The following STX7 variants were observed in gnomAD, a reference collection of about 807,000 sequenced individuals.
STX7 encodes the protein syntaxin-7.
In STX7, 34 loss-of-function variants were observed where a neutral mutation model predicts 39.6. That is an observed-to-expected ratio of 0.86 (90% CI 0.65 to 1.14). The LOEUF is 1.14. STX7 is among the 50% of genes most tolerant of loss of function. The pLI is 0.00. For missense variants in STX7, 284 were observed against 310.4 expected (o/e 0.92, Z 0.64); for synonymous variants, 119 against 99.1 (o/e 1.20, Z -1.19).
intron 9 of STX7, among the ~76,000 whole-genome samples, chr6:132,461,359 T>G (rs1434791722): frequency 1.3e-5 from 2 of 152,152 alleles, no homozygotes; most frequent in Non-Finnish European, 1.5e-5. Flanking sequence ...CAGGCTGGAG[T>G]GCAGTGGCAC....
intron 1 of STX7, among the ~76,000 whole-genome samples, chr6:132,508,416 G>T (rs1449986799): frequency 6.6e-6 from 1 of 152,176 alleles, no homozygotes; most frequent in Non-Finnish European, 1.5e-5. Context: ...TACTAAATGT[G>T]AGAAAGTTCC....
At position 132,448,468 on chromosome 6, in the gene STX7, T is replaced by C. The variant is rs1774065246; in HGVS notation, c.*12290A>G. On this transcript the variant is annotated 3_prime_UTR_variant, in exon 10 of 10. Transcript: ENST00000367941. ...AAAGATAATTTCACTGGGCACTCAT[T>C]CTATTGAGTTATTCTCTCAGTACCT... The C allele has an allele frequency of 6.6e-6, 1 of 152,186 alleles. No homozygotes were observed. The highest frequency in any genetic ancestry group is 1.5e-5 in the Non-Finnish European group (1 of 68,040). The allele number at this position is 152,186 out of a possible 1,614,324, so 9.4% of individuals were successfully genotyped here. A position where few individuals can be genotyped will look rare whatever the true frequency, so the allele number is the denominator to read the frequency against.
intron 9 of STX7, among the ~76,000 whole-genome samples, chr6:132,463,238 A>G (rs974061795): frequency 2.0e-5 from 3 of 152,126 alleles, no homozygotes; most frequent in African/African-American, 7.2e-5. Flanking sequence ...CAAGAAAATG[A>G]TAATTATGAA....
rs1450764355 is a variant in STX7 at position 132,447,201 on chromosome 6, G to C, written c.*13557C>G. 6.6e-6 allele frequency: 1 copy of C among 152,164 alleles called. No individual in the cohort carries two copies. The highest frequency in any genetic ancestry group is 1.5e-5 in the Non-Finnish European group (1 of 68,022). The allele number at this position is 152,164 out of a possible 1,614,324, so 9.4% of individuals were successfully genotyped here. A position where few individuals can be genotyped will look rare whatever the true frequency, so the allele number is the denominator to read the frequency against. On this transcript the variant is annotated 3_prime_UTR_variant, in exon 10 of 10. Coordinates refer to ENST00000367941, the MANE Select transcript of STX7 (RefSeq NM_003569.3). Reference sequence around the variant, plus strand: ...CTAAGATGGAACTTACTGTGTAGTGGAAAGAGTTAGACTCACTAGACATTG... The same window carrying C: ...CTAAGATGGAACTTACTGTGTAGTGCAAAGAGTTAGACTCACTAGACATTG...
rs191765991 is a variant in STX7, at chr6:132,502,695, C to T, written c.85+751G>A. Among the ~76,000 whole-genome samples the T allele has an allele frequency of 5.5e-3, 838 of 152,024 alleles. 8 individuals are homozygous for T. The highest frequency in any genetic ancestry group is 0.019 in the African/African-American group (799 of 41,450). ...CGGGAGGATCACGAAGTCAGGAGATCGAGACCATCCTGGCTAACACGGTGA... is the reference window on the plus strand; with the variant it reads ...CGGGAGGATCACGAAGTCAGGAGATTGAGACCATCCTGGCTAACACGGTGA... On this transcript the variant is annotated intron_variant, in intron 2 of 9. Transcript: ENST00000367941.
At chr6:132,492,198 A>G (rs535951696) in intron 2 of STX7, among the ~76,000 whole-genome samples, 1 of 151,900 alleles carries the variant, frequency 6.6e-6, no homozygotes, top group Non-Finnish European at 1.5e-5. Context: ...TTCCCCATCT[A>G]AAATACTCTT....
chr6:132,483,416 C>A (rs1333197125), intron 2 of STX7, among the ~76,000 whole-genome samples: 3 of 152,256 alleles, frequency 2.0e-5, no homozygotes, highest in Non-Finnish European at 4.4e-5. Context: ...CTACTGCAGT[C>A]ACTGCATTAA....
intron 2 of STX7, among the ~76,000 whole-genome samples, chr6:132,485,432 G>C (rs1206664487): frequency 6.6e-6 from 1 of 152,128 alleles, no homozygotes; most frequent in Admixed American, 6.5e-5. Context: ...GGACATTTGT[G>C]TTGTTTCCCG....
chr6:132,511,559 G>C (rs1382173759), intron 1 of STX7, among the ~76,000 whole-genome samples: 2 of 152,224 alleles, frequency 1.3e-5, no homozygotes, highest in African/African-American at 2.4e-5. Flanking sequence ...GGAGAGAGAT[G>C]ACCTTGTCAT....
At chr6:132,491,769 C>G (rs1207834108) in intron 2 of STX7, among the ~76,000 whole-genome samples, 2 of 152,160 alleles carry the variant, frequency 1.3e-5, no homozygotes, top group East Asian at 3.9e-4. Flanking sequence ...TGGTTTCAGG[C>G]AATCTACTTA....
At chr6:132,510,152 T>C (rs1775811074) in intron 1 of STX7, among the ~76,000 whole-genome samples, 1 of 152,252 alleles carries the variant, frequency 6.6e-6, no homozygotes, top group Non-Finnish European at 1.5e-5. Flanking sequence ...GAATGAAGTC[T>C]AGTGTTCTAT....
At chr6:132,479,200 C>T (rs964343969) in intron 2 of STX7, among the ~76,000 whole-genome samples, 1 of 152,156 alleles carries the variant, frequency 6.6e-6, no homozygotes, top group Non-Finnish European at 1.5e-5. Context: ...TATGCTGCTT[C>T]CACCCTTTAC....
rs1032343164 is a variant in STX7 at position 132,446,276 on chromosome 6, G to A, written c.*14482C>T. The A allele has an allele frequency of 6.6e-6, 1 of 152,062 alleles. No individual in the cohort carries two copies. Among genetic ancestry groups the A allele is most frequent in the African/African-American group, 2.4e-5 (1 of 41,398 alleles). 9.4% of individuals were successfully genotyped at this position (152,062 alleles called of 1,614,324 possible). A position where few individuals can be genotyped will look rare whatever the true frequency, so the allele number is the denominator to read the frequency against. On this transcript the variant is annotated 3_prime_UTR_variant, in exon 10 of 10. Transcript: ENST00000367941. ...TTGGTCTGATCATTCATCTTCTCGA[G>A]GCCAAGTACTTGGTCTGAACACAGA...
intron 2 of STX7, among the ~76,000 whole-genome samples, chr6:132,484,985 T>C (rs1208677865): frequency 6.6e-6 from 1 of 152,112 alleles, no homozygotes; most frequent in Non-Finnish European, 1.5e-5. Flanking sequence ...AAATGAATAA[T>C]AGGAATATTC....
intron 2 of STX7, among the ~76,000 whole-genome samples, chr6:132,494,927 A>G (rs942783241): frequency 6.6e-6 from 1 of 152,198 alleles, no homozygotes; most frequent in East Asian, 1.9e-4. Context: ...CATCCAAAGA[A>G]ATAGCAGCAG....
At chr6:132,487,031 A>G (rs1775153923) in intron 2 of STX7, among the ~76,000 whole-genome samples, 1 of 152,220 alleles carries the variant, frequency 6.6e-6, no homozygotes, top group East Asian at 1.9e-4. Context: ...CTGACCTGCT[A>G]AAACGAATTC....
Position 132,459,879 on chromosome 6 carries a change from T to C in STX7, c.*879A>G, listed in dbSNP as rs1164469811. On this transcript the variant is annotated 3_prime_UTR_variant, in exon 10 of 10. Coordinates refer to ENST00000367941, the MANE Select transcript of STX7 (RefSeq NM_003569.3). ...CAAAAGTAATTTTGACCTAAAAATATTAACCATTATTCTATAAGACATAAG... is the reference window on the plus strand; with the variant it reads ...CAAAAGTAATTTTGACCTAAAAATACTAACCATTATTCTATAAGACATAAG... 6.6e-6 allele frequency: 1 copy of C among 152,182 alleles called. No homozygotes were observed. Among genetic ancestry groups the C allele is most frequent in the Non-Finnish European group, 1.5e-5 (1 of 68,024 alleles). The allele number at this position is 152,182 out of a possible 1,614,324, so 9.4% of individuals were successfully genotyped here. A position where few individuals can be genotyped will look rare whatever the true frequency, so the allele number is the denominator to read the frequency against.
In STX7 at chr6:132,450,459, T is replaced by C. The variant is rs1045233940; in HGVS notation, c.*10299A>G. ...TCTTCTGTTTTTTTCCAAATCGGTTTCACCAAGTTATGTGTACTTTATTTA... is the reference window on the plus strand; with the variant it reads ...TCTTCTGTTTTTTTCCAAATCGGTTCCACCAAGTTATGTGTACTTTATTTA... On this transcript the variant is annotated 3_prime_UTR_variant, in exon 10 of 10. Transcript: ENST00000367941. 2 of 152,142 alleles carry C rather than the reference T, an allele frequency of 1.3e-5. No individual in the cohort carries two copies. Among genetic ancestry groups the C allele is most frequent in the African/African-American group, 4.8e-5 (2 of 41,430 alleles). The allele number at this position is 152,142 out of a possible 1,614,324, so 9.4% of individuals were successfully genotyped here. A position where few individuals can be genotyped will look rare whatever the true frequency, so the allele number is the denominator to read the frequency against.
At chr6:132,483,312 G>A (rs1184495618) in intron 2 of STX7, among the ~76,000 whole-genome samples, 2 of 152,132 alleles carry the variant, frequency 1.3e-5, no homozygotes, top group East Asian at 1.9e-4. Context: ...TATGTAAATT[G>A]TTATAGTGTA....
Sources: gnomAD v4.1 joint callset for allele counts (sites outside exome capture counted in the v4.1 genomes callset) on GRCh38, gnomAD v4.1.1 for gene constraint, MANE v1.5 for transcripts, NCBI Gene and HGNC (gene_info 2026-07-23, HGNC 2026-07-21) for gene names.